Variants in KCNB2 observed in about 807,000 individuals in gnomAD.
The protein encoded by KCNB2 is delayed rectifier potassium channel protein.
Under a neutral mutation model 61.5 loss-of-function variants are expected in KCNB2, and 15 were observed. That is an observed-to-expected ratio of 0.24 (90% confidence interval 0.16 to 0.38). KCNB2 has a LOEUF of 0.38. Among genes scored for constraint, KCNB2 ranks in the 10% least tolerant of loss-of-function variants. The pLI is 1.00. For missense variants in KCNB2, 828 were observed against 1,125.2 expected (o/e 0.74, Z 3.78); for synonymous variants, 457 against 446.0 (o/e 1.02, Z -0.31).
At chr8:72,692,180 G>A (rs1585833372) in intron 2 of KCNB2, among the ~76,000 whole-genome samples, 1 of 144,388 alleles carries the variant, frequency 6.9e-6, no homozygotes, top group Non-Finnish European at 1.5e-5. Flanking sequence ...AGCTTGCAGT[G>A]AGCCGAGATC....
chr8:72,920,348 G>A (rs958504559), intron 2 of KCNB2, among the ~76,000 whole-genome samples: 2 of 151,022 alleles, frequency 1.3e-5, no homozygotes, highest in East Asian at 3.9e-4. Flanking sequence ...GCCAGGCACA[G>A]TGGCTCGTGC....
chr8:72,744,104 G>C (rs148973221), intron 2 of KCNB2, among the ~76,000 whole-genome samples: 59 of 152,096 alleles, frequency 3.9e-4, no homozygotes, highest in African/African-American at 1.2e-3. Flanking sequence ...TGTTGAGACG[G>C]TTGAAAGTGA....
intron 2 of KCNB2, among the ~76,000 whole-genome samples, chr8:72,788,719 C>T (rs939471686): frequency 4.6e-5 from 7 of 152,080 alleles, no homozygotes; most frequent in Non-Finnish European, 7.4e-5. Context: ...ACCTGAACTC[C>T]ATACTTAAAT....
chr8:72,788,477 T>G (rs1808879430), intron 2 of KCNB2, among the ~76,000 whole-genome samples: 1 of 152,104 alleles, frequency 6.6e-6, no homozygotes, highest in Non-Finnish European at 1.5e-5. Flanking sequence ...TTTCACCTAA[T>G]TACCCCCTGA....
At chr8:72,793,493 A>G (rs1808978748) in intron 2 of KCNB2, among the ~76,000 whole-genome samples, 1 of 152,208 alleles carries the variant, frequency 6.6e-6, no homozygotes, top group Non-Finnish European at 1.5e-5. Flanking sequence ...GAAAGCAAGA[A>G]TCAGAGGAGA....
At chr8:72,733,247 C>T (rs1807781361) in intron 2 of KCNB2, among the ~76,000 whole-genome samples, 1 of 152,010 alleles carries the variant, frequency 6.6e-6, no homozygotes. Flanking sequence ...AAATGATATC[C>T]CTTTATTTAC....
intron 2 of KCNB2, among the ~76,000 whole-genome samples, chr8:72,622,321 A>G (rs997344290): frequency 6.6e-6 from 1 of 152,258 alleles, no homozygotes; most frequent in South Asian, 2.1e-4. Flanking sequence ...TCTCAATAAC[A>G]TCTACACAGT....
At chr8:72,682,370 A>G (rs1203452461) in intron 2 of KCNB2, among the ~76,000 whole-genome samples, 1 of 152,128 alleles carries the variant, frequency 6.6e-6, no homozygotes, top group Non-Finnish European at 1.5e-5. Flanking sequence ...TTTGGAATTT[A>G]AGAAAACTGC....
intron 2 of KCNB2, among the ~76,000 whole-genome samples, chr8:72,618,365 ATTAG>A (rs1554579686): frequency 6.6e-6 from 1 of 152,208 alleles, no homozygotes; most frequent in Non-Finnish European, 1.5e-5. Context: ...CACCCTAAGT[ATTAG>A]TTTAAAAATA....
At chr8:72,762,655 G>A (rs1808399931) in intron 2 of KCNB2, among the ~76,000 whole-genome samples, 1 of 151,948 alleles carries the variant, frequency 6.6e-6, no homozygotes, top group Non-Finnish European at 1.5e-5. Flanking sequence ...CCATTCATAG[G>A]GATTTCAGAG....
chr8:72,592,342 C>T (rs987716744), intron 2 of KCNB2, among the ~76,000 whole-genome samples: 2 of 152,078 alleles, frequency 1.3e-5, no homozygotes, highest in African/African-American at 4.8e-5. Flanking sequence ...TAACCTAATA[C>T]CTCAAACAAT....
chr8:72,719,516 A>G (rs1260994934), intron 2 of KCNB2, among the ~76,000 whole-genome samples: 2 of 152,184 alleles, frequency 1.3e-5, no homozygotes, highest in Non-Finnish European at 2.9e-5. Context: ...GGCACTTACC[A>G]ATTTAGTATG....
intron 2 of KCNB2, among the ~76,000 whole-genome samples, chr8:72,820,390 C>G (rs1809477139): frequency 6.6e-6 from 1 of 152,188 alleles, no homozygotes; most frequent in African/African-American, 2.4e-5. Flanking sequence ...AATGAACTTT[C>G]CAATTAATTT....
intron 2 of KCNB2, among the ~76,000 whole-genome samples, chr8:72,636,072 G>T (rs560764105): frequency 3.6e-4 from 54 of 152,002 alleles, no homozygotes; most frequent in African/African-American, 1.2e-3. Flanking sequence ...TGCCGGGAAG[G>T]TTAGCTCTTA....
chr8:72,931,887 C>T (rs1228223082), intron 2 of KCNB2, among the ~76,000 whole-genome samples: 1 of 152,172 alleles, frequency 6.6e-6, no homozygotes, highest in Non-Finnish European at 1.5e-5. Flanking sequence ...GTGGTGCACA[C>T]CTGTATTCCC....
chr8:72,820,445 C>T (rs1809478097), intron 2 of KCNB2, among the ~76,000 whole-genome samples: 1 of 152,120 alleles, frequency 6.6e-6, no homozygotes, highest in Non-Finnish European at 1.5e-5. Context: ...AGGGTGGCCT[C>T]CTCAATCATG....
At chr8:72,765,990 C>A (rs570611512) in intron 2 of KCNB2, among the ~76,000 whole-genome samples, 5 of 152,190 alleles carry the variant, frequency 3.3e-5, no homozygotes, top group Non-Finnish European at 4.4e-5. Context: ...TTTTCTCTTT[C>A]ATTCTTAATG....
intron 2 of KCNB2, among the ~76,000 whole-genome samples, chr8:72,833,932 G>C (rs1023216441): frequency 6.6e-6 from 1 of 152,160 alleles, no homozygotes; most frequent in African/African-American, 2.4e-5. Flanking sequence ...TTTGGCTCTT[G>C]CATTTTCTTA....
chr8:72,889,351 A>T (rs1223632237), intron 2 of KCNB2, among the ~76,000 whole-genome samples: 3 of 152,196 alleles, frequency 2.0e-5, no homozygotes, highest in Non-Finnish European at 2.9e-5. Flanking sequence ...GCCTCACTCA[A>T]TGAGGAAAAC....
Sources: allele counts gnomAD v4.1 joint callset (sites outside exome capture counted in the v4.1 genomes callset), GRCh38; gene constraint gnomAD v4.1.1; transcripts MANE v1.5; gene names NCBI Gene and HGNC (gene_info 2026-07-23, HGNC 2026-07-21).